KCNH5: variants seen among roughly 807,000 people sequenced by gnomAD.
KCNH5 encodes potassium voltage-gated channel subfamily H member 5, also known as voltage-gated delayed rectifier potassium channel KCNH5.
Under a neutral mutation model 96.1 loss-of-function variants are expected in KCNH5, and 46 were observed. That is an observed-to-expected ratio of 0.48 (90% CI 0.38 to 0.61). The LOEUF (loss-of-function observed/expected upper bound fraction) is 0.61, where lower values mean the gene tolerates loss of function less well. Among genes scored for constraint, KCNH5 ranks in the 20% least tolerant of loss-of-function variants. The pLI is 0.00. For synonymous variants in KCNH5, 439 were observed against 449.8 expected (o/e 0.98, Z 0.30); for missense variants, 907 against 1,225.8 (o/e 0.74, Z 3.88).
chr14:62,932,644 T>C (rs1219841566), intron 7 of KCNH5, among the ~76,000 whole-genome samples: 1 of 152,032 alleles, frequency 6.6e-6, no homozygotes, highest in Admixed American at 6.6e-5. Context: ...CACATACCCA[T>C]TGGGATGAAA....
At chr14:62,849,879 A>T (rs925264990) in intron 7 of KCNH5, 27 bp from the exon 8 acceptor site, 1 of 1,523,922 alleles carries the variant, frequency 6.6e-7, no homozygotes, top group Non-Finnish European at 9.1e-7. Flanking sequence ...GATAAAAATA[A>T]AACAAATATC....
chr14:62,847,154 T>C (rs1055028834), intron 8 of KCNH5, among the ~76,000 whole-genome samples: 44 of 146,702 alleles, frequency 3.0e-4, no homozygotes, highest in African/African-American at 9.6e-4. Flanking sequence ...ATATATTTTT[T>C]ATATATATAT....
intron 10 of KCNH5, among the ~76,000 whole-genome samples, chr14:62,775,464 G>A (rs1886076593): frequency 6.6e-6 from 1 of 152,076 alleles, no homozygotes; most frequent in Non-Finnish European, 1.5e-5. Context: ...AAAAATATGA[G>A]GACTAAGCAA....
intron 7 of KCNH5, among the ~76,000 whole-genome samples, chr14:62,871,778 TG>T (rs1332628026): frequency 1.3e-5 from 2 of 152,102 alleles, no homozygotes; most frequent in African/African-American, 4.8e-5. Context: ...GTGTAAGAGA[TG>T]GGCTGTACAA....
chr14:62,847,096 G>A (rs1235663604), intron 8 of KCNH5, among the ~76,000 whole-genome samples: 2 of 147,756 alleles, frequency 1.4e-5, no homozygotes, highest in African/African-American at 4.9e-5. Context: ...CACCGCGCCC[G>A]GCCCTGTATT....
At chr14:62,963,981 A>T (rs1299672621) in intron 6 of KCNH5, among the ~76,000 whole-genome samples, 1 of 152,140 alleles carries the variant, frequency 6.6e-6, no homozygotes, top group African/African-American at 2.4e-5. Context: ...TAATGACCAT[A>T]TGTGATCATA....
intron 7 of KCNH5, among the ~76,000 whole-genome samples, chr14:62,863,870 TG>T (rs894025494): frequency 2.4e-4 from 36 of 152,282 alleles, no homozygotes; most frequent in African/African-American, 8.7e-4. Context: ...TTAATTTGTA[TG>T]TATACTTTTT....
intron 8 of KCNH5, among the ~76,000 whole-genome samples, chr14:62,848,403 G>C (rs1887740110): frequency 6.6e-6 from 1 of 152,076 alleles, no homozygotes; most frequent in East Asian, 1.9e-4. Context: ...GTTTTCATGC[G>C]TACTACTTCA....
intron 6 of KCNH5, among the ~76,000 whole-genome samples, chr14:62,973,017 A>T (rs555050879): frequency 6.6e-6 from 1 of 152,306 alleles, no homozygotes; most frequent in African/African-American, 2.4e-5. Flanking sequence ...TTTGGGTGAT[A>T]ATGATGTATT....
chr14:62,816,581 G>T (rs1009353391), intron 8 of KCNH5, among the ~76,000 whole-genome samples: 2 of 151,830 alleles, frequency 1.3e-5, no homozygotes, highest in African/African-American at 4.8e-5. Flanking sequence ...TTTGCCTCAG[G>T]AATTTAGTCC....
chr14:62,785,855 T>C (rs192087927), intron 9 of KCNH5, among the ~76,000 whole-genome samples: 2 of 152,246 alleles, frequency 1.3e-5, no homozygotes, highest in Admixed American at 1.3e-4. Context: ...GTGAGACACA[T>C]TATTTGGTGA....
intron 10 of KCNH5, among the ~76,000 whole-genome samples, chr14:62,773,143 C>T (rs1474988334): frequency 4.6e-5 from 7 of 152,192 alleles, no homozygotes; most frequent in African/African-American, 7.2e-5. Context: ...AGAAACACTG[C>T]CAGCATGAGC....
chr14:62,935,969 T>C (rs1199693584), intron 7 of KCNH5, among the ~76,000 whole-genome samples: 1 of 152,076 alleles, frequency 6.6e-6, no homozygotes, highest in Non-Finnish European at 1.5e-5. Flanking sequence ...CAGTTTTCAA[T>C]ATTTACGACA....
chr14:62,951,596 T>C (rs1890006880), intron 6 of KCNH5, among the ~76,000 whole-genome samples: 4 of 152,198 alleles, frequency 2.6e-5, no homozygotes, highest in African/African-American at 9.7e-5. Flanking sequence ...AGGAGGAATT[T>C]GTTGTTGCAG....
At chr14:63,014,557 G>GTATTT (rs2139605249) in intron 2 of KCNH5, among the ~76,000 whole-genome samples, 1 of 152,054 alleles carries the variant, frequency 6.6e-6, no homozygotes, top group Admixed American at 6.6e-5. Flanking sequence ...CCAGGGATAG[G>GTATTT]GCAAATACAT....
chr14:62,842,334 C>G (rs1887602466), intron 8 of KCNH5, among the ~76,000 whole-genome samples: 1 of 152,088 alleles, frequency 6.6e-6, no homozygotes, highest in South Asian at 2.1e-4. Flanking sequence ...AACGAAAAAA[C>G]TGAGGTTTCA....
chr14:62,741,141 A>G (rs1885262852), intron 10 of KCNH5, among the ~76,000 whole-genome samples: 1 of 152,186 alleles, frequency 6.6e-6, no homozygotes, highest in South Asian at 2.1e-4. Context: ...GAGTTTTCCC[A>G]GAAAAACAAA....
At chr14:62,984,536 A>G (rs983854725) in intron 5 of KCNH5, among the ~76,000 whole-genome samples, 1 of 152,206 alleles carries the variant, frequency 6.6e-6, no homozygotes, top group African/African-American at 2.4e-5. Flanking sequence ...TACCACTGGA[A>G]AAACAACATT....
At chr14:62,786,802 T>A (rs1040389782) in intron 9 of KCNH5, among the ~76,000 whole-genome samples, 31 of 152,172 alleles carry the variant, frequency 2.0e-4, no homozygotes, top group Admixed American at 1.7e-3. Context: ...TGATCAGTAA[T>A]CTTTCATGTT....
Sources: allele counts gnomAD v4.1 joint callset (sites outside exome capture counted in the v4.1 genomes callset), GRCh38; gene constraint gnomAD v4.1.1; transcripts MANE v1.5; gene names NCBI Gene and HGNC (gene_info 2026-07-23, HGNC 2026-07-21).